NT5DC1: variants seen among roughly 807,000 people sequenced by gnomAD.
NT5DC1 encodes the protein 5'-nucleotidase domain containing 1, also known as 5'-nucleotidase domain-containing protein 1.
Under a neutral mutation model 59.4 loss-of-function variants are expected in NT5DC1, and 42 were observed. The observed-to-expected ratio is 0.71, with a 90% confidence interval of 0.55 to 0.92. The LOEUF is 0.92. Ranked by LOEUF, NT5DC1 falls within the 40% of genes least tolerant of loss-of-function variation. The pLI is 0.00. For missense variants in NT5DC1, 501 were observed against 537.1 expected (o/e 0.93, Z 0.66); for synonymous variants, 172 against 188.1 (o/e 0.91, Z 0.70).
intron 6 of NT5DC1, among the ~76,000 whole-genome samples, chr6:116,219,730 C>A (rs776521958): frequency 1.3e-5 from 2 of 151,758 alleles, no homozygotes; most frequent in Non-Finnish European, 2.9e-5. Context: ...GCAGAGTGGG[C>A]GGATTGTGAG....
chr6:116,110,115 T>C (rs1333396487), intron 3 of NT5DC1, among the ~76,000 whole-genome samples: 1 of 152,218 alleles, frequency 6.6e-6, no homozygotes, highest in African/African-American at 2.4e-5. Flanking sequence ...GTTTCTGGAA[T>C]TATGCCCTTA....
intron 11 of NT5DC1, among the ~76,000 whole-genome samples, chr6:116,241,938 ACAAAAC>A (rs145970745): frequency 0.19 from 5,110 of 27,058 alleles, 874 homozygotes; most frequent in East Asian, 0.51. Flanking sequence ...AAAAAAAAAA[ACAAAAC>A]AAAAAAAAAA....
chr6:116,217,715 C>T (rs907162598), intron 6 of NT5DC1, among the ~76,000 whole-genome samples: 2 of 152,006 alleles, frequency 1.3e-5, no homozygotes, highest in Non-Finnish European at 2.9e-5. Flanking sequence ...TCTGCTCCTG[C>T]ACTAATTTAG....
intron 6 of NT5DC1, among the ~76,000 whole-genome samples, chr6:116,204,594 A>G (rs1243095515): frequency 2.0e-5 from 3 of 151,976 alleles, no homozygotes; most frequent in East Asian, 1.9e-4. Context: ...CAGATATGCA[A>G]TGAGCCAGCC....
At chr6:116,178,052 AGTGTGTGTGTGTGTGTGTGTGT>A (rs61085607) in intron 6 of NT5DC1, among the ~76,000 whole-genome samples, 3 of 136,318 alleles carry the variant, frequency 2.2e-5, no homozygotes, top group African/African-American at 8.2e-5. Context: ...CAAAGAGGAA[AGTGTGTGTGTGTGTGTGTGTGT>A]GTGTGTGTGT....
At chr6:116,125,287 T>C (rs1042750688) in intron 6 of NT5DC1, 3 of 1,588,364 alleles carry the variant, frequency 1.9e-6, no homozygotes, top group African/African-American at 1.3e-5. Context: ...ATTAAGATTA[T>C]AGAAAGCAAC....
At chr6:116,229,421 C>A (rs535141750) in intron 8 of NT5DC1, among the ~76,000 whole-genome samples, 1 of 152,196 alleles carries the variant, frequency 6.6e-6, no homozygotes, top group African/African-American at 2.4e-5. Flanking sequence ...ACAGCATGGC[C>A]TTAGCGAGTC....
At chr6:116,212,481 T>C (rs1781600228) in intron 6 of NT5DC1, among the ~76,000 whole-genome samples, 1 of 152,090 alleles carries the variant, frequency 6.6e-6, no homozygotes, top group Admixed American at 6.6e-5. Context: ...CTGAAATGGA[T>C]TGCTTCTAAG....
chr6:116,186,554 T>C (rs1245950193), intron 6 of NT5DC1, among the ~76,000 whole-genome samples: 1 of 151,992 alleles, frequency 6.6e-6, no homozygotes, highest in East Asian at 1.9e-4. Context: ...CCAAACTTAT[T>C]GGAGGCTTTG....
chr6:116,241,649 T>C (rs1048404885), intron 11 of NT5DC1, among the ~76,000 whole-genome samples: 1 of 151,550 alleles, frequency 6.6e-6, no homozygotes, highest in Non-Finnish European at 1.5e-5. Flanking sequence ...GACGGCCGGG[T>C]GCGGTGGCTC....
intron 6 of NT5DC1, among the ~76,000 whole-genome samples, chr6:116,162,833 T>A (rs1382483572): frequency 6.6e-6 from 1 of 152,008 alleles, no homozygotes; most frequent in Non-Finnish European, 1.5e-5. Context: ...TTAAAAAATA[T>A]GTATTTTTAG....
intron 2 of NT5DC1, among the ~76,000 whole-genome samples, chr6:116,106,964 G>A (rs904224669): frequency 1.3e-5 from 2 of 152,106 alleles, no homozygotes; most frequent in African/African-American, 4.8e-5. Context: ...GCTGAGGTGG[G>A]CAGATTGCTT....
intron 6 of NT5DC1, among the ~76,000 whole-genome samples, chr6:116,135,478 T>C (rs2114344217): frequency 6.6e-6 from 1 of 152,084 alleles, no homozygotes; most frequent in South Asian, 2.1e-4. Flanking sequence ...GAGCCCTCAG[T>C]TCTGCTTGTT....
rs759789307 is a variant in NT5DC1 at position 116,110,955 on chromosome 6, A to T, written c.363A>T (p.Ser121=). The change falls in exon 4 of 12, where the codon TCA becomes TCT. Residue 121 remains serine (S), a splice_region_variant and synonymous_variant. Transcript: ENST00000319550. The part of the protein sequence containing the change: ...FLSDTGMACR[S]GKYYFYDNYF... The stretch of plus-strand genomic sequence containing the variant: ...CGGACACTGGAATGGCTTGCCGCTC[A>T]GGTATGACTCAAATGAGGCAGCTCC... 54 of 1,600,462 alleles carry T rather than the reference A, an allele frequency of 3.4e-5. No individual in the cohort carries two copies. Among genetic ancestry groups the T allele is most frequent in the Non-Finnish European group, 3.5e-5 (41 of 1,167,662 alleles).
intron 6 of NT5DC1, among the ~76,000 whole-genome samples, chr6:116,133,518 A>G (rs774404850): frequency 5.9e-5 from 9 of 152,198 alleles, no homozygotes; most frequent in Non-Finnish European, 1.3e-4. Context: ...AAGTACCTAT[A>G]GGGCACCTGA....
intron 6 of NT5DC1, among the ~76,000 whole-genome samples, chr6:116,154,333 T>A (rs1780126749): frequency 6.6e-6 from 1 of 152,216 alleles, no homozygotes. Context: ...CCGGGATTTC[T>A]TTCTGTTCCT....
In NT5DC1 at chr6:116,200,277, A is replaced by C. The variant is rs60734327; in HGVS notation, c.530-20777A>C. Among the ~76,000 whole-genome samples the C allele has an allele frequency of 2.3e-3, 352 of 152,178 alleles. 2 individuals are homozygous for C. The highest frequency in any genetic ancestry group is 8.3e-3 in the African/African-American group (347 of 41,564). On this transcript the variant is annotated intron_variant, in intron 6 of 11. Transcript: ENST00000319550. ...AACAGGGGAGGTCTGAAACTATGTC[A>C]CGGTCAAGAGTAACCTAAGGAGACA... is the stretch of plus-strand genomic sequence containing the variant.
chr6:116,156,999 A>G (rs1170648961), intron 6 of NT5DC1, among the ~76,000 whole-genome samples: 1 of 151,994 alleles, frequency 6.6e-6, no homozygotes, highest in African/African-American at 2.4e-5. Flanking sequence ...GTTTATTTGG[A>G]TATTTTTTTC....
intron 6 of NT5DC1, among the ~76,000 whole-genome samples, chr6:116,164,903 G>A (rs1011494910): frequency 6.6e-6 from 1 of 151,974 alleles, no homozygotes; most frequent in East Asian, 1.9e-4. Context: ...CTAACATGGT[G>A]AAACCCCGTC....
Sources: gnomAD v4.1 joint callset for allele counts (sites outside exome capture counted in the v4.1 genomes callset) on GRCh38, gnomAD v4.1.1 for gene constraint, MANE v1.5 for transcripts, NCBI Gene and HGNC (gene_info 2026-07-23, HGNC 2026-07-21) for gene names.